The following SCHIP1 variants were observed in gnomAD, a reference collection of about 807,000 sequenced individuals.
SCHIP1 encodes schwannomin interacting protein 1, also known as schwannomin-interacting protein 1.
SCHIP1 carries 8 observed loss-of-function variants against 29.7 expected under a neutral mutation model. The ratio of observed to expected loss-of-function variants is 0.27; its 90% CI spans 0.16 to 0.49. SCHIP1 has a LOEUF of 0.49. Among genes scored for constraint, SCHIP1 ranks in the 20% least tolerant of loss-of-function variants. The pLI, the probability that SCHIP1 is intolerant of heterozygous loss-of-function variation, is 0.99. For missense variants in SCHIP1, 193 were observed against 294.6 expected (o/e 0.66, Z 2.52); for synonymous variants, 76 against 94.9 (o/e 0.80, Z 1.16).
the SCHIP1 span, among the ~76,000 whole-genome samples, chr3:159,337,558 A>C: frequency 6.6e-6 from 1 of 152,154 alleles, no homozygotes; most frequent in African/African-American, 2.4e-5. Flanking sequence ...AATAACACAC[A>C]AACAGAGCGC....
At chr3:159,614,040 A>G in the SCHIP1 span, among the ~76,000 whole-genome samples, 1 of 152,216 alleles carries the variant, frequency 6.6e-6, no homozygotes, top group Admixed American at 6.5e-5. Context: ...GGTAGGTGCC[A>G]TTATTATCTC....
the SCHIP1 span, among the ~76,000 whole-genome samples, chr3:159,820,297 C>T: frequency 1.3e-5 from 2 of 152,078 alleles, no homozygotes; most frequent in African/African-American, 2.4e-5. Context: ...TTTTACAGCC[C>T]ACCTCCAGCC....
the SCHIP1 span, among the ~76,000 whole-genome samples, chr3:159,603,627 A>G: frequency 6.6e-6 from 1 of 152,212 alleles, no homozygotes; most frequent in Non-Finnish European, 1.5e-5. Flanking sequence ...TTGCAGTATC[A>G]ATGATTAGGA....
At chr3:159,358,839 C>T in the SCHIP1 span, among the ~76,000 whole-genome samples, 3 of 151,538 alleles carry the variant, frequency 2.0e-5, no homozygotes, top group Non-Finnish European at 2.9e-5. Flanking sequence ...TTATGAGAGA[C>T]TCCCTTGGTA....
At chr3:159,871,376 G>C (rs981879882) in intron 2 of SCHIP1, among the ~76,000 whole-genome samples, 20 of 120,326 alleles carry the variant, frequency 1.7e-4, no homozygotes, top group Admixed American at 1.1e-3. Flanking sequence ...GGTGGGGGGG[G>C]GCTTATTATA....
At chr3:159,855,960 G>T (rs1171464128) in intron 1 of SCHIP1, among the ~76,000 whole-genome samples, 1 of 152,202 alleles carries the variant, frequency 6.6e-6, no homozygotes, top group African/African-American at 2.4e-5. Flanking sequence ...TAAGAAAGAT[G>T]TTTCATTAAG....
At chr3:159,525,632 C>T in the SCHIP1 span, among the ~76,000 whole-genome samples, 7 of 152,140 alleles carry the variant, frequency 4.6e-5, no homozygotes, top group Non-Finnish European at 7.3e-5. Context: ...CCAGACACAG[C>T]GTGATGAGGA....
the SCHIP1 span, among the ~76,000 whole-genome samples, chr3:159,658,254 T>A: frequency 6.6e-6 from 1 of 152,180 alleles, no homozygotes; most frequent in African/African-American, 2.4e-5. Flanking sequence ...CCATTCAATG[T>A]TTATGATATC....
At chr3:159,896,750 G>C (rs753660433) in exon 7 of SCHIP1, 2 of 1,607,796 alleles carry the variant, frequency 1.2e-6, no homozygotes, top group East Asian at 4.5e-5. Context: ...AGAAGCACAT[G>C]GCAGAGAAAA....
chr3:159,556,039 A>G, the SCHIP1 span, among the ~76,000 whole-genome samples: 37 of 152,218 alleles, frequency 2.4e-4, no homozygotes, highest in Admixed American at 2.0e-3. Context: ...CATGTTCTGC[A>G]CATGTATCCC....
chr3:159,681,578 C>T, the SCHIP1 span, among the ~76,000 whole-genome samples: 1 of 152,172 alleles, frequency 6.6e-6, no homozygotes, highest in Admixed American at 6.5e-5. Flanking sequence ...ATAAACATTA[C>T]CCATATTACC....
At chr3:159,607,350 C>T in the SCHIP1 span, among the ~76,000 whole-genome samples, 6 of 152,122 alleles carry the variant, frequency 3.9e-5, no homozygotes, top group East Asian at 1.2e-3. Flanking sequence ...CTTAAAACTG[C>T]ACCTAATTTT....
At chr3:159,815,838 G>A in the SCHIP1 span, among the ~76,000 whole-genome samples, 473 of 152,128 alleles carry the variant, frequency 3.1e-3, 3 homozygotes, top group African/African-American at 0.011. Context: ...TTCCAAATGT[G>A]TCTCAAATCA....
chr3:159,303,410 TA>T, the SCHIP1 span, among the ~76,000 whole-genome samples: 66 of 149,280 alleles, frequency 4.4e-4, no homozygotes, highest in African/African-American at 1.6e-3. Context: ...TTTTCCCTAA[TA>T]GGGGGGTACT....
the SCHIP1 span, among the ~76,000 whole-genome samples, chr3:159,833,084 T>A: frequency 6.6e-6 from 1 of 152,212 alleles, no homozygotes; most frequent in African/African-American, 2.4e-5. Context: ...TTGGAATGTA[T>A]ACCACATGGA....
chr3:159,810,076 C>T, the SCHIP1 span, among the ~76,000 whole-genome samples: 3 of 152,204 alleles, frequency 2.0e-5, no homozygotes, highest in South Asian at 6.2e-4. Flanking sequence ...GACGGAGTCT[C>T]GCACTGTCGC....
At chr3:159,609,269 G>A in the SCHIP1 span, among the ~76,000 whole-genome samples, 45 of 152,236 alleles carry the variant, frequency 3.0e-4, no homozygotes, top group African/African-American at 7.7e-4. Context: ...GGAAGCACAC[G>A]TGTGCAAAGG....
chr3:159,636,739 C>T, the SCHIP1 span, among the ~76,000 whole-genome samples: 1 of 152,170 alleles, frequency 6.6e-6, no homozygotes, highest in Non-Finnish European at 1.5e-5. Flanking sequence ...CAAGGGACTA[C>T]ACGTTTAAAG....
chr3:159,846,955 CA>C (rs892105807), intron 1 of SCHIP1, among the ~76,000 whole-genome samples: 2 of 150,468 alleles, frequency 1.3e-5, no homozygotes, highest in Non-Finnish European at 3.0e-5. Context: ...AAGAGCCCCA[CA>C]TGGAAAAAAA....
Sources: gnomAD v4.1 joint callset for allele counts (sites outside exome capture counted in the v4.1 genomes callset) on GRCh38, gnomAD v4.1.1 for gene constraint, MANE v1.5 for transcripts, NCBI Gene and HGNC (gene_info 2026-07-23, HGNC 2026-07-21) for gene names.